Variants in PADI4 observed in about 807,000 individuals in gnomAD.
PADI4 encodes peptidyl arginine deiminase 4, also known as protein-arginine deiminase type-4.
Under a neutral mutation model 75.0 loss-of-function variants are expected in PADI4, and 62 were observed. That is an observed-to-expected ratio of 0.83 (90% CI 0.67 to 1.02). The LOEUF is 1.02. Among genes scored for constraint, PADI4 ranks in the 50% least tolerant of loss-of-function variants. The pLI is 0.00. For missense variants in PADI4, 845 were observed against 850.5 expected, an observed-to-expected ratio of 0.99 and a Z score of 0.08; for synonymous variants, 361 against 348.1, an observed-to-expected ratio of 1.04 and a Z score of -0.41.
intron 15 of PADI4, among the ~76,000 whole-genome samples, chr1:17,360,207 C>T (rs1036250803): frequency 4.6e-5 from 7 of 151,726 alleles, no homozygotes; most frequent in Admixed American, 2.6e-4. Context: ...AGGAGAATCA[C>T]TTGAACCTGG....
intron 1 of PADI4, among the ~76,000 whole-genome samples, chr1:17,314,696 G>A (rs191336117): frequency 6.6e-6 from 1 of 152,294 alleles, no homozygotes; most frequent in Non-Finnish European, 1.5e-5. Flanking sequence ...GCAGCCCAAG[G>A]TCATTGCCTC....
intron 1 of PADI4, among the ~76,000 whole-genome samples, chr1:17,320,698 T>C (rs909040775): frequency 6.6e-6 from 1 of 152,218 alleles, no homozygotes; most frequent in Non-Finnish European, 1.5e-5. Flanking sequence ...ACTCTCGTCA[T>C]CGTCTTGGTT....
intron 10 of PADI4, among the ~76,000 whole-genome samples, chr1:17,352,384 A>G (rs1028244602): frequency 3.3e-5 from 5 of 152,062 alleles, no homozygotes; most frequent in Non-Finnish European, 5.9e-5. Flanking sequence ...TTAGAAACTG[A>G]GAATCATCAC....
At chr1:17,359,959 C>T (rs780553034) in intron 15 of PADI4, among the ~76,000 whole-genome samples, 3 of 152,140 alleles carry the variant, frequency 2.0e-5, no homozygotes, top group Non-Finnish European at 4.4e-5. Context: ...GTGCCAGGTG[C>T]TAATCACTAG....
chr1:17,341,917 C>G (rs2074425236), intron 6 of PADI4, 26 bp from the exon 7 acceptor site: 5 of 1,596,556 alleles, frequency 3.1e-6, no homozygotes, highest in Non-Finnish European at 4.3e-6. Context: ...GGACGCAGAC[C>G]TGAGTCTCCC....
At chr1:17,333,490 C>G (rs539214136) in intron 2 of PADI4, among the ~76,000 whole-genome samples, 2 of 152,126 alleles carry the variant, frequency 1.3e-5, no homozygotes, top group Non-Finnish European at 1.5e-5. Flanking sequence ...AAACCTCCAT[C>G]CACTCAAAGC....
At chr1:17,348,157 T>G (rs946110045) in intron 10 of PADI4, 109 bp downstream of exon 10, 2 of 606,140 alleles carry the variant, frequency 3.3e-6, no homozygotes, top group Non-Finnish European at 5.9e-6. Flanking sequence ...AGTAGCCCAG[T>G]GCAAGGAGGT....
chr1:17,334,153 A>T (rs895258809), intron 3 of PADI4, 144 bp downstream of exon 3: 3 of 633,766 alleles, frequency 4.7e-6, no homozygotes, highest in Non-Finnish European at 8.7e-6. Flanking sequence ...CCAGTCAGAC[A>T]TCTGGGAGTT....
chr1:17,326,506 G>A (rs762462105), intron 1 of PADI4, among the ~76,000 whole-genome samples: 1 of 152,034 alleles, frequency 6.6e-6, no homozygotes, highest in Non-Finnish European at 1.5e-5. Context: ...CAAATGTATG[G>A]TGCTTTTAAA....
chr1:17,319,284 G>A (rs1368170610), intron 1 of PADI4, among the ~76,000 whole-genome samples: 2 of 152,092 alleles, frequency 1.3e-5, no homozygotes, highest in African/African-American at 4.8e-5. Context: ...GAGAGACAGA[G>A]GCATGGCGTG....
intron 3 of PADI4, chr1:17,334,731 T>G: frequency 2.3e-6 from 1 of 434,096 alleles, no homozygotes; most frequent in Non-Finnish European, 4.6e-6. Flanking sequence ...TTCTGCCATA[T>G]CAATGATCCA....
At chr1:17,349,702 C>CAA (rs199868632) in intron 10 of PADI4, among the ~76,000 whole-genome samples, 2 of 79,070 alleles carry the variant, frequency 2.5e-5, no homozygotes, top group African/African-American at 7.3e-5. Context: ...AAGACTGTAT[C>CAA]AAAAAAAAAA....
intron 15 of PADI4, among the ~76,000 whole-genome samples, chr1:17,361,822 T>C (rs948584353): frequency 4.3e-4 from 66 of 152,166 alleles, no homozygotes; most frequent in African/African-American, 1.4e-3. Flanking sequence ...CATACATTAT[T>C]TACATATGGA....
chr1:17,338,984 G>A (rs2074366640), intron 5 of PADI4, among the ~76,000 whole-genome samples: 1 of 152,142 alleles, frequency 6.6e-6, no homozygotes, highest in Non-Finnish European at 1.5e-5. Flanking sequence ...TCCTTTGTGG[G>A]CACTCCCGGG....
Position 17,346,618 on chromosome 1 carries a change from T to A in PADI4, c.1047+479T>A, listed in dbSNP as rs1051715750. Among the ~76,000 whole-genome samples the A allele has an allele frequency of 6.6e-6, 1 of 152,146 alleles. No individual in the cohort carries two copies. The highest frequency in any genetic ancestry group is 1.5e-5 in the Non-Finnish European group (1 of 68,028). ...GCCTGCCACTGTGCCTGGAAACACA[T>A]GATTACCAGTCTCTGTTTCCGTGCC... On this transcript the variant is annotated intron_variant, in intron 9 of 15. Transcript: ENST00000375448. The surrounding 1 kb of genome is among the most constrained non-coding windows in gnomAD (Gnocchi z 4.3).
At chr1:17,312,211 G>A (rs1041327687) in intron 1 of PADI4, among the ~76,000 whole-genome samples, 1 of 151,992 alleles carries the variant, frequency 6.6e-6, no homozygotes. Flanking sequence ...TGTAATCCCA[G>A]CACTTTAGGA....
At position 17,352,082 on chromosome 1, in the gene PADI4, T is replaced by C. The variant is rs1040051118; in HGVS notation, c.1156-2451T>C. On this transcript the variant is annotated intron_variant, in intron 10 of 15. Coordinates refer to ENST00000375448, the MANE Select transcript of PADI4 (RefSeq NM_012387.3). Reference sequence around the variant, plus strand: ...TGATGGGAGGTGGGAAGAGAGGCAGTCAGGGAGGTGATGGGAGGTGGTAGG... The same window carrying C: ...TGATGGGAGGTGGGAAGAGAGGCAGCCAGGGAGGTGATGGGAGGTGGTAGG... Among the ~76,000 whole-genome samples, 169 of 127,726 alleles carry C rather than the reference T, an allele frequency of 1.3e-3. 1 individual carries two copies. The highest frequency in any genetic ancestry group is 2.4e-3 in the Admixed American group (30 of 12,598). 83.8% of individuals were successfully genotyped at this position (127,726 alleles called of 152,430 possible). A position where few individuals can be genotyped will look rare whatever the true frequency, so the allele number is the denominator to read the frequency against.
At chr1:17,338,683 C>T (rs1478800082) in intron 5 of PADI4, among the ~76,000 whole-genome samples, 4 of 152,172 alleles carry the variant, frequency 2.6e-5, no homozygotes, top group South Asian at 2.1e-4. Flanking sequence ...GAACCCCGGA[C>T]GTCCCAACAC....
intron 10 of PADI4, among the ~76,000 whole-genome samples, chr1:17,354,058 G>A (rs1021491514): frequency 1.3e-5 from 2 of 150,714 alleles, no homozygotes; most frequent in Non-Finnish European, 3.0e-5. Flanking sequence ...TGGCCAACAT[G>A]GTGAAACCCC....
Sources: allele counts gnomAD v4.1 joint callset (sites outside exome capture counted in the v4.1 genomes callset), GRCh38; gene constraint gnomAD v4.1.1; non-coding constraint Gnocchi (gnomAD v3.1); transcripts MANE v1.5; gene names NCBI Gene and HGNC (gene_info 2026-07-23, HGNC 2026-07-21).